SYT1: variants seen among roughly 807,000 people sequenced by gnomAD.
SYT1 encodes synaptotagmin 1.
A neutral mutation model predicts 44.8 loss-of-function variants in SYT1; 8 were observed. The observed-to-expected ratio is 0.18, with a 90% CI of 0.10 to 0.32. SYT1 has a LOEUF of 0.32. SYT1 is among the 10% of genes least tolerant of loss of function. SYT1 has a pLI of 1.00. For missense variants in SYT1, 286 were observed against 509.3 expected (o/e 0.56, Z 4.22); for synonymous variants, 154 against 188.8 (o/e 0.82, Z 1.51).
chr12:79,451,312 A>AAAT lies in SYT1; in HGVS notation c.*2189_*2191dup, dbSNP rs1487707348. The stretch of plus-strand genomic sequence containing the variant: ...GAAAATATACACAAGTCAGAATGTG[A>AAAT]AATTAAATAATGGTTTGAACAGAAA... On this transcript the variant is annotated 3_prime_UTR_variant, in exon 11 of 11. Coordinates refer to ENST00000261205, the MANE Select transcript of SYT1 (RefSeq NM_005639.3). 6.6e-6 allele frequency: 1 copy of AAAT among 152,262 alleles called. No homozygotes were observed. Among genetic ancestry groups the AAAT allele is most frequent in the African/African-American group, 2.4e-5 (1 of 41,476 alleles). The allele number at this position is 152,262 out of a possible 1,614,324, so 9.4% of individuals were successfully genotyped here.
chr12:79,075,766 C>T (rs565833833), intron 3 of SYT1, among the ~76,000 whole-genome samples: 23 of 152,184 alleles, frequency 1.5e-4, no homozygotes, highest in East Asian at 1.4e-3. Flanking sequence ...ACAATTTAAA[C>T]GATCCCCAGC....
chr12:78,993,313 A>G (rs1481796683), intron 2 of SYT1, among the ~76,000 whole-genome samples: 1 of 152,248 alleles, frequency 6.6e-6, no homozygotes, highest in African/African-American at 2.4e-5. Flanking sequence ...AAGAAAAGGC[A>G]GTAATGTTCA....
At chr12:79,327,817 A>G (rs1218845420) in intron 8 of SYT1, among the ~76,000 whole-genome samples, 1 of 152,232 alleles carries the variant, frequency 6.6e-6, no homozygotes, top group African/African-American at 2.4e-5. Flanking sequence ...TAGGAATTCA[A>G]CTGATTGAGA....
At chr12:79,118,453 C>T (rs1879418600) in intron 3 of SYT1, among the ~76,000 whole-genome samples, 1 of 152,154 alleles carries the variant, frequency 6.6e-6, no homozygotes, top group Admixed American at 6.5e-5. Context: ...AGTCTATATA[C>T]AATTTTCTTG....
intron 4 of SYT1, among the ~76,000 whole-genome samples, chr12:79,259,666 A>G (rs904096292): frequency 1.3e-5 from 2 of 152,160 alleles, no homozygotes; most frequent in Non-Finnish European, 2.9e-5. Flanking sequence ...CCTGGAAGGT[A>G]GGGGCTAGAG....
At chr12:79,191,055 A>G (rs781621261) in intron 3 of SYT1, among the ~76,000 whole-genome samples, 1 of 151,644 alleles carries the variant, frequency 6.6e-6, no homozygotes, top group Admixed American at 6.6e-5. Flanking sequence ...TGTATAATAC[A>G]TATATTACTG....
intron 3 of SYT1, among the ~76,000 whole-genome samples, chr12:79,179,443 T>C (rs1428818957): frequency 1.7e-5 from 1 of 58,172 alleles, no homozygotes; most frequent in Admixed American, 2.0e-4. Flanking sequence ...TATATCCATA[T>C]AGATATAGAT....
chr12:79,234,989 G>A (rs752439560), intron 4 of SYT1, among the ~76,000 whole-genome samples: 2 of 152,078 alleles, frequency 1.3e-5, no homozygotes, highest in African/African-American at 2.4e-5. Flanking sequence ...GATTACAGGC[G>A]TGAGCCACTG....
chr12:79,283,891 T>C (rs1879174074), intron 4 of SYT1, among the ~76,000 whole-genome samples: 1 of 151,524 alleles, frequency 6.6e-6, no homozygotes, highest in South Asian at 2.1e-4. Flanking sequence ...TATCCAGTCA[T>C]AAGCCAGAAT....
At chr12:78,980,151 T>C (rs563296821) in intron 2 of SYT1, among the ~76,000 whole-genome samples, 1 of 152,244 alleles carries the variant, frequency 6.6e-6, no homozygotes, top group South Asian at 2.1e-4. Context: ...TATACCAAAC[T>C]CTAAAGTAAG....
intron 3 of SYT1, among the ~76,000 whole-genome samples, chr12:79,093,712 T>G (rs922293208): frequency 6.6e-5 from 10 of 151,592 alleles, no homozygotes; most frequent in Non-Finnish European, 1.5e-4. Context: ...TAATTATTTT[T>G]CTTCAACAAC....
chr12:79,382,579 T>TA lies in SYT1; in HGVS notation c.928+28968dup, dbSNP rs1186313076. On this transcript the variant is annotated intron_variant, in intron 9 of 10. Coordinates refer to ENST00000261205, the MANE Select transcript of SYT1 (RefSeq NM_005639.3). ...AGAGAGTCCAGAGAGGAAAGGAAGT[T>TA]AAAAAAAAGAAAAGAAAAACTAAAT... 4.0e-5 allele frequency among the ~76,000 whole-genome samples: 6 copies of TA among 151,768 alleles called. No individual in the cohort carries two copies. In the East Asian group the frequency reaches 9.7e-4, roughly 24 times the overall value.
intron 1 of SYT1, among the ~76,000 whole-genome samples, chr12:78,975,752 G>T (rs780106970): frequency 1.3e-5 from 2 of 152,146 alleles, no homozygotes; most frequent in Admixed American, 1.3e-4. Context: ...CTAACATGTA[G>T]AATCTGATTC....
intron 1 of SYT1, among the ~76,000 whole-genome samples, chr12:78,916,866 T>A (rs77729809): frequency 6.6e-6 from 1 of 152,016 alleles, no homozygotes; most frequent in Non-Finnish European, 1.5e-5. Context: ...TCTCACAGAT[T>A]CATTTCTTTT....
intron 2 of SYT1, among the ~76,000 whole-genome samples, chr12:79,004,915 A>C (rs1273233414): frequency 6.6e-6 from 1 of 152,040 alleles, no homozygotes; most frequent in Non-Finnish European, 1.5e-5. Context: ...ATATGCTCAT[A>C]TAATTTCAAA....
At chr12:78,959,263 G>A (rs2176019) in intron 1 of SYT1, among the ~76,000 whole-genome samples, 25 of 152,042 alleles carry the variant, frequency 1.6e-4, no homozygotes, top group African/African-American at 5.1e-4. Context: ...AGGGAAACTC[G>A]GGAGATGTTC....
chr12:78,864,997 G>C lies in SYT1; in HGVS notation c.-329G>C, dbSNP rs1873454613. On this transcript the variant is annotated 5_prime_UTR_variant, in exon 1 of 11. Transcript: ENST00000261205. ...ACCCACACACCCCTTTTGTGTTGCA[G>C]GCTGCCCCTCCAAGAGCGGAGGCAG... is the stretch of plus-strand genomic sequence containing the variant. 1 of 152,338 alleles carries C rather than the reference G, an allele frequency of 6.6e-6. No individual in the cohort carries two copies. The highest frequency in any genetic ancestry group is 6.5e-5 in the Admixed American group (1 of 15,278). 9.4% of individuals were successfully genotyped at this position (152,338 alleles called of 1,614,324 possible). A position where few individuals can be genotyped will look rare whatever the true frequency, so the allele number is the denominator to read the frequency against.
At chr12:79,381,557 A>G (rs1368104813) in intron 9 of SYT1, among the ~76,000 whole-genome samples, 1 of 152,194 alleles carries the variant, frequency 6.6e-6, no homozygotes, top group Non-Finnish European at 1.5e-5. Flanking sequence ...TGCCAAGAAT[A>G]AGCCCTGAAT....
intron 8 of SYT1, among the ~76,000 whole-genome samples, chr12:79,325,237 T>C (rs775793912): frequency 3.3e-5 from 5 of 152,232 alleles, no homozygotes; most frequent in Non-Finnish European, 7.3e-5. Flanking sequence ...GCTAACTCTC[T>C]GGCTAGCCTA....
Sources: allele counts gnomAD v4.1 joint callset (sites outside exome capture counted in the v4.1 genomes callset), GRCh38; gene constraint gnomAD v4.1.1; transcripts MANE v1.5; gene names NCBI Gene and HGNC (gene_info 2026-07-23, HGNC 2026-07-21).